PTPRM: variants seen among roughly 807,000 people sequenced by gnomAD.
PTPRM encodes the protein protein tyrosine phosphatase receptor type M.
In PTPRM, 47 loss-of-function variants were observed where a neutral mutation model predicts 186.7. That is an observed-to-expected ratio of 0.25 (90% CI 0.20 to 0.32). The LOEUF (loss-of-function observed/expected upper bound fraction) is 0.32, where lower values mean the gene tolerates loss of function less well. Ranked by LOEUF, PTPRM falls within the 10% of genes least tolerant of loss-of-function variation. The pLI is 1.00. For missense variants in PTPRM, 1,494 were observed against 1,865.0 expected, an observed-to-expected ratio of 0.80 and a Z score of 3.66; for synonymous variants, 668 against 674.9, an observed-to-expected ratio of 0.99 and a Z score of 0.16.
At chr18:8,361,566 G>A (rs766476413) in intron 23 of PTPRM, among the ~76,000 whole-genome samples, 5 of 152,136 alleles carry the variant, frequency 3.3e-5, no homozygotes, top group Non-Finnish European at 7.4e-5. Flanking sequence ...TAGTTAATGT[G>A]GGACCCAGGA....
At chr18:7,975,918 C>T (rs538642099) in intron 7 of PTPRM, among the ~76,000 whole-genome samples, 124 of 152,296 alleles carry the variant, frequency 8.1e-4, no homozygotes, top group African/African-American at 2.9e-3. Flanking sequence ...CACTTGTAAT[C>T]CCAGCACTTT....
chr18:8,197,043 G>T (rs931886005), intron 14 of PTPRM, among the ~76,000 whole-genome samples: 1 of 152,150 alleles, frequency 6.6e-6, no homozygotes, highest in African/African-American at 2.4e-5. Flanking sequence ...AGCACTTCAA[G>T]GTAAAGGACA....
intron 3 of PTPRM, among the ~76,000 whole-genome samples, chr18:7,895,221 G>A (rs1356599804): frequency 6.6e-6 from 1 of 152,092 alleles, no homozygotes; most frequent in East Asian, 1.9e-4. Flanking sequence ...ATTAGGGGTT[G>A]GAGATGAAAG....
chr18:8,249,037 C>T (rs1368371599), intron 17 of PTPRM, among the ~76,000 whole-genome samples: 8 of 152,066 alleles, frequency 5.3e-5, no homozygotes, highest in African/African-American at 9.7e-5. Context: ...GAGTGTATCA[C>T]GGCTGTGTTC....
intron 7 of PTPRM, among the ~76,000 whole-genome samples, chr18:7,962,679 C>A (rs1167112303): frequency 1.3e-5 from 2 of 152,166 alleles, no homozygotes; most frequent in Non-Finnish European, 2.9e-5. Context: ...CGAAGGCTGA[C>A]CTCGCTGCTA....
In PTPRM at chr18:7,926,606, G is replaced by A; in HGVS notation, c.586G>A (p.Val196Ile). The A allele has an allele frequency of 6.2e-7, 1 of 1,613,718 alleles. No homozygotes were observed. Among genetic ancestry groups the A allele is most frequent in the Non-Finnish European group, 8.5e-7 (1 of 1,179,958 alleles). Reference sequence around the variant, plus strand: ...CTTCCTGCGGATTCAGAATGTGGAAGTTAATGCTGGCCAGTTTGCTACCTT... The same window carrying A: ...CTTCCTGCGGATTCAGAATGTGGAAATTAATGCTGGCCAGTTTGCTACCTT... Reference protein sequence around the residue: ...PHFLRIQNVEVNAGQFATFQC... With the variant: ...PHFLRIQNVEINAGQFATFQC... The change falls in exon 5 of 33, where the codon GTT (valine) becomes ATT (isoleucine). Residue 196 changes from valine to isoleucine, a missense_variant. By Grantham distance (29) the Val-to-Ile change is conservative. This residue lies in a region of PTPRM where 296 missense variants were observed against 345.5 expected (regional missense o/e 0.86). Coordinates refer to ENST00000580170, the MANE Select transcript of PTPRM (RefSeq NM_001105244.2).
chr18:8,098,780 G>GCTTTAC (rs1315250259), intron 11 of PTPRM, among the ~76,000 whole-genome samples: 2 of 150,642 alleles, frequency 1.3e-5, no homozygotes, highest in African/African-American at 4.9e-5. Context: ...CCTCCTTTTC[G>GCTTTAC]CTTTACCTTC....
Position 7,696,566 on chromosome 18 carries a change from G to A in PTPRM, c.74-77583G>A, listed in dbSNP as rs141883784. ...ATAAGAATTATTTGAAAACTTATGT[G>A]CATTCTGAGTATCAGTACAGGACTT... On this transcript the variant is annotated intron_variant, in intron 1 of 32. Coordinates refer to ENST00000580170, the MANE Select transcript of PTPRM (RefSeq NM_001105244.2). Among the ~76,000 whole-genome samples, 42 of 152,194 alleles carry A rather than the reference G, an allele frequency of 2.8e-4. No individual in the cohort carries two copies. The East Asian group carries it at 8.1e-3, about 29-fold the overall frequency.
chr18:8,023,870 A>ACACACACACACACACACACG (rs71354588), intron 7 of PTPRM, among the ~76,000 whole-genome samples: 4 of 149,264 alleles, frequency 2.7e-5, no homozygotes, highest in African/African-American at 9.9e-5. Flanking sequence ...ACACACACAC[A>ACACACACACACACACACACG]CGCACACCCC....
In PTPRM at chr18:7,844,022, C is replaced by A. The variant is rs114161792; in HGVS notation, c.197-44084C>A. On this transcript the variant is annotated intron_variant, in intron 2 of 32. Transcript: ENST00000580170. ...ATGACTTGATTCCAATGGCAAGCACCCTGAGGGGGCAGGTGGTCACTGCTG... is the reference window on the plus strand; with the variant it reads ...ATGACTTGATTCCAATGGCAAGCACACTGAGGGGGCAGGTGGTCACTGCTG... 4.9e-3 allele frequency among the ~76,000 whole-genome samples: 741 copies of A among 152,226 alleles called. 4 individuals are homozygous for A. The highest frequency in any genetic ancestry group is 0.017 in the African/African-American group (697 of 41,536).
At chr18:8,045,508 A>C (rs2086986209) in intron 7 of PTPRM, among the ~76,000 whole-genome samples, 1 of 152,244 alleles carries the variant, frequency 6.6e-6, no homozygotes, top group Non-Finnish European at 1.5e-5. Context: ...AGTCTGCTAC[A>C]TGCTACAACA....
At chr18:7,883,832 G>A (rs1469111661) in intron 2 of PTPRM, among the ~76,000 whole-genome samples, 1 of 152,184 alleles carries the variant, frequency 6.6e-6, no homozygotes, top group Non-Finnish European at 1.5e-5. Context: ...TGAACAGGGG[G>A]AAATAGAGAT....
At chr18:8,014,524 C>T (rs888707719) in intron 7 of PTPRM, among the ~76,000 whole-genome samples, 6 of 152,054 alleles carry the variant, frequency 3.9e-5, no homozygotes, top group Admixed American at 2.6e-4. Context: ...ATAATTAGAA[C>T]GGTTAGGATA....
chr18:7,850,359 A>T (rs1234330361), intron 2 of PTPRM, among the ~76,000 whole-genome samples: 2 of 152,126 alleles, frequency 1.3e-5, no homozygotes, highest in African/African-American at 4.8e-5. Context: ...GAAAATCTGG[A>T]AGTGGGGAGG....
At chr18:8,246,125 AT>A (rs2147317836) in intron 15 of PTPRM, among the ~76,000 whole-genome samples, 1 of 152,328 alleles carries the variant, frequency 6.6e-6, no homozygotes, top group Admixed American at 6.5e-5. Flanking sequence ...GGTAGATATC[AT>A]AATACTGTCT....
At chr18:7,825,212 C>G (rs1331800608) in intron 2 of PTPRM, among the ~76,000 whole-genome samples, 1 of 152,132 alleles carries the variant, frequency 6.6e-6, no homozygotes, top group South Asian at 2.1e-4. Context: ...TGCTAAGGCC[C>G]TGGTTCCCAA....
At chr18:8,351,881 C>T (rs917464307) in intron 23 of PTPRM, among the ~76,000 whole-genome samples, 2 of 152,150 alleles carry the variant, frequency 1.3e-5, no homozygotes, top group South Asian at 4.1e-4. Context: ...CTCCTCAACA[C>T]CAGCTCCTCC....
At chr18:7,612,099 T>A (rs1368424362) in intron 1 of PTPRM, among the ~76,000 whole-genome samples, 1 of 152,200 alleles carries the variant, frequency 6.6e-6, no homozygotes, top group Non-Finnish European at 1.5e-5. Flanking sequence ...GTGTTTGGAA[T>A]AACATGTTTT....
chr18:7,759,771 T>C (rs1002940994), intron 1 of PTPRM, among the ~76,000 whole-genome samples: 2 of 152,232 alleles, frequency 1.3e-5, no homozygotes, highest in Non-Finnish European at 2.9e-5. Context: ...TATTATGTTC[T>C]TTTGAGTTTT....
Sources: allele counts gnomAD v4.1 joint callset (sites outside exome capture counted in the v4.1 genomes callset), GRCh38; gene constraint gnomAD v4.1.1; regional missense constraint gnomAD v4.1.1; transcripts MANE v1.5; gene names NCBI Gene and HGNC (gene_info 2026-07-23, HGNC 2026-07-21).